Variants in TBCD observed in about 807,000 individuals in gnomAD.
The protein encoded by TBCD is tubulin folding cofactor D.
TBCD carries 105 observed loss-of-function variants against 169.3 expected under a neutral mutation model. The observed-to-expected ratio is 0.62, with a 90% CI of 0.53 to 0.73. The LOEUF is 0.73. Among genes scored for constraint, TBCD ranks in the 30% least tolerant of loss-of-function variants. The pLI, the probability that TBCD is intolerant of heterozygous loss-of-function variation, is 0.00. For synonymous variants in TBCD, 700 were observed against 643.9 expected, an observed-to-expected ratio of 1.09 and a Z score of -1.32; for missense variants, 1,444 against 1,600.1, an observed-to-expected ratio of 0.90 and a Z score of 1.66.
chr17:82,754,530 C>G (rs1032721366), intron 1 of TBCD, among the ~76,000 whole-genome samples: 1 of 152,220 alleles, frequency 6.6e-6, no homozygotes, highest in Admixed American at 6.5e-5. Flanking sequence ...TACGCCTTAG[C>G]GGAATTCAGG....
At chr17:82,862,129 A>G (rs907025600) in intron 13 of TBCD, among the ~76,000 whole-genome samples, 3 of 151,990 alleles carry the variant, frequency 2.0e-5, no homozygotes, top group Admixed American at 6.5e-5. Flanking sequence ...TCACCGTGTT[A>G]GCCAGGATGG....
chr17:82,897,174 G>T (rs1480620516), intron 17 of TBCD, among the ~76,000 whole-genome samples: 2 of 151,922 alleles, frequency 1.3e-5, no homozygotes, highest in African/African-American at 4.8e-5. Context: ...CTGCTCCGTG[G>T]CTTTCCCTTT....
At chr17:82,883,394 G>A (rs957647226) in intron 14 of TBCD, among the ~76,000 whole-genome samples, 3 of 152,266 alleles carry the variant, frequency 2.0e-5, no homozygotes, top group Non-Finnish European at 2.9e-5. Flanking sequence ...TCTGTGCAAC[G>A]CCTGATGAGA....
intron 8 of TBCD, among the ~76,000 whole-genome samples, chr17:82,800,524 G>T (rs1419545117): frequency 1.3e-5 from 2 of 151,604 alleles, no homozygotes; most frequent in African/African-American, 2.4e-5. Flanking sequence ...TGGCCTGCGT[G>T]GTCTCTGTGG....
chr17:82,798,271 C>T (rs1162621481), intron 8 of TBCD, among the ~76,000 whole-genome samples: 1 of 152,026 alleles, frequency 6.6e-6, no homozygotes, highest in Non-Finnish European at 1.5e-5. Flanking sequence ...ATCAACCTCC[C>T]GAGTAGCTGG....
chr17:82,781,536 C>A, intron 6 of TBCD, 53 bp from the exon 7 acceptor site: 1 of 1,600,796 alleles, frequency 6.2e-7, no homozygotes, highest in Non-Finnish European at 8.5e-7. Context: ...GCTGGTGAGG[C>A]GTGGGCGAGG....
intron 18 of TBCD, among the ~76,000 whole-genome samples, chr17:82,902,335 A>G (rs1160684107): frequency 6.6e-6 from 1 of 152,168 alleles, no homozygotes; most frequent in African/African-American, 2.4e-5. Flanking sequence ...GTAACCCTTG[A>G]AAAATGTGAA....
chr17:82,888,352 T>C (rs1032148652), intron 15 of TBCD, among the ~76,000 whole-genome samples: 1 of 152,210 alleles, frequency 6.6e-6, no homozygotes. Flanking sequence ...GTTTTCCCTG[T>C]TTTAGGGCTT....
At chr17:82,936,752 C>G (rs138506635) in intron 34 of TBCD, among the ~76,000 whole-genome samples, 245 of 152,306 alleles carry the variant, frequency 1.6e-3, no homozygotes, top group South Asian at 3.9e-3. Context: ...GAGTGGCCTT[C>G]CAGGTGCCCT....
At chr17:82,780,253 T>A (rs1197500115) in intron 6 of TBCD, among the ~76,000 whole-genome samples, 1 of 152,204 alleles carries the variant, frequency 6.6e-6, no homozygotes, top group Non-Finnish European at 1.5e-5. Context: ...GCTCCGTGGC[T>A]TCCGTCCTCT....
rs113625835 is a variant in TBCD at position 82,874,308 on chromosome 17, C to G, written c.1475+3928C>G. ...GAAGGATGTGAGTTTCTGGAGTAGCCTGGACTGCACAGCCAGGGCCTCCCC... is the reference window on the plus strand; with the variant it reads ...GAAGGATGTGAGTTTCTGGAGTAGCGTGGACTGCACAGCCAGGGCCTCCCC... On this transcript the variant is annotated intron_variant, in intron 14 of 38. Coordinates refer to ENST00000355528, the MANE Select transcript of TBCD (RefSeq NM_005993.5). This position sits in a 1 kb window ranked among gnomAD's most constrained non-coding sequence, Gnocchi z 5.0. Among the ~76,000 whole-genome samples, 393 of 152,220 alleles carry G rather than the reference C, an allele frequency of 2.6e-3. 3 individuals are homozygous for G. Among genetic ancestry groups the G allele is most frequent in the Middle Eastern group, 0.01 (3 of 294 alleles).
At chr17:82,886,968 G>A (rs1002247708) in intron 15 of TBCD, among the ~76,000 whole-genome samples, 4 of 151,524 alleles carry the variant, frequency 2.6e-5, no homozygotes, top group Non-Finnish European at 4.4e-5. Flanking sequence ...TGTGCCTGGC[G>A]GAGATTTACA....
Position 82,831,147 on chromosome 17 carries a change from C to A in TBCD, c.1318+16213C>A. On this transcript the variant is annotated intron_variant, in intron 13 of 38. Coordinates refer to ENST00000355528, the MANE Select transcript of TBCD (RefSeq NM_005993.5). This position sits in a 1 kb window ranked among gnomAD's most constrained non-coding sequence, Gnocchi z 4.6. ...GTCTTCCCAGTGCGCTGGAGGCTGC[C>A]TTGTTGGAGAGGTCGTACAGGCCTT... The A allele has an allele frequency of 6.2e-7, 1 of 1,614,124 alleles. No individual in the cohort carries two copies. The highest frequency in any genetic ancestry group is 8.5e-7 in the Non-Finnish European group (1 of 1,180,022).
intron 13 of TBCD, among the ~76,000 whole-genome samples, chr17:82,850,700 C>T (rs764782356): frequency 4.6e-5 from 7 of 152,212 alleles, no homozygotes; most frequent in Non-Finnish European, 7.3e-5. Context: ...TACAGTATGG[C>T]TGTGCATGGA....
At chr17:82,768,345 G>T in intron 4 of TBCD, 75 bp from the exon 5 acceptor site, 1 of 1,575,050 alleles carries the variant, frequency 6.3e-7, no homozygotes, top group South Asian at 1.1e-5. Flanking sequence ...GGAGGGCAGT[G>T]ACTTTGAGTA....
At chr17:82,869,494 T>C (rs1259543688) in intron 13 of TBCD, among the ~76,000 whole-genome samples, 1 of 152,172 alleles carries the variant, frequency 6.6e-6, no homozygotes, top group East Asian at 1.9e-4. Flanking sequence ...CACTCCAGCC[T>C]GGGAGACAGA....
Position 82,916,359 on chromosome 17 carries a change from C to T in TBCD, c.2039-4197C>T, listed in dbSNP as rs531206854. ...TCCCAGGTTCAAGTGTTTCTCCCGC[C>T]TCAGCCTCCCGAGTAGCTGGGATTA... is the stretch of plus-strand genomic sequence containing the variant. On this transcript the variant is annotated intron_variant, in intron 23 of 38. Coordinates refer to ENST00000355528, the MANE Select transcript of TBCD (RefSeq NM_005993.5). 1.4e-4 allele frequency among the ~76,000 whole-genome samples: 22 copies of T among 152,268 alleles called. No individual in the cohort carries two copies. The South Asian group carries it at 3.3e-3, about 23-fold the overall frequency.
intron 7 of TBCD, among the ~76,000 whole-genome samples, chr17:82,783,317 C>T (rs1292682879): frequency 1.3e-5 from 2 of 152,174 alleles, no homozygotes; most frequent in African/African-American, 2.4e-5. Flanking sequence ...TTTCTTCAGG[C>T]GTCCCCTCAA....
intron 28 of TBCD, 97 bp from the exon 29 acceptor site, chr17:82,927,089 T>C (rs538473148): frequency 5.0e-5 from 78 of 1,551,752 alleles, no homozygotes; most frequent in Admixed American, 7.0e-5. Context: ...GTTCTGAGCG[T>C]GTCTTCTCAG....
Sources: gnomAD v4.1 joint callset for allele counts (sites outside exome capture counted in the v4.1 genomes callset) on GRCh38, gnomAD v4.1.1 for gene constraint, Gnocchi (gnomAD v3.1) non-coding constraint, MANE v1.5 for transcripts, NCBI Gene and HGNC (gene_info 2026-07-23, HGNC 2026-07-21) for gene names.